Variants in CTNNA3 observed in about 807,000 individuals in gnomAD.
CTNNA3 encodes catenin alpha-3.
A neutral mutation model predicts 95.7 loss-of-function variants in CTNNA3; 76 were observed. That is an observed-to-expected ratio of 0.79 (90% CI 0.66 to 0.96). The LOEUF (loss-of-function observed/expected upper bound fraction) is 0.96, where lower values mean the gene tolerates loss of function less well. CTNNA3 is among the 40% of genes least tolerant of loss of function. The probability of loss-of-function intolerance (pLI) is 0.00; values close to 1 mark genes in which losing one functional copy is unlikely to be tolerated. For missense variants in CTNNA3, 1,191 were observed against 1,089.8 expected, an observed-to-expected ratio of 1.09 and a Z score of -1.31; for synonymous variants, 431 against 374.4, an observed-to-expected ratio of 1.15 and a Z score of -1.74.
chr10:66,494,431 A>G (rs1840035221), intron 11 of CTNNA3, among the ~76,000 whole-genome samples: 1 of 152,178 alleles, frequency 6.6e-6, no homozygotes, highest in South Asian at 2.1e-4. Context: ...AACATAGTAA[A>G]ATTTCCAATA....
intron 1 of CTNNA3, among the ~76,000 whole-genome samples, chr10:67,726,387 T>C (rs1246263026): frequency 1.3e-4 from 2 of 15,826 alleles, no homozygotes; most frequent in Non-Finnish European, 2.1e-4. Context: ...TATATGAAAT[T>C]ATATATATTA....
At chr10:66,270,218 A>ATTT (rs1554916530) in intron 13 of CTNNA3, among the ~76,000 whole-genome samples, 170 of 98,750 alleles carry the variant, frequency 1.7e-3, no homozygotes, top group African/African-American at 5.6e-3. Flanking sequence ...ACACTATAAC[A>ATTT]TTTTTTGGGG....
chr10:66,316,923 A>C (rs1210085325), intron 12 of CTNNA3, among the ~76,000 whole-genome samples: 4 of 152,134 alleles, frequency 2.6e-5, no homozygotes, highest in Non-Finnish European at 5.9e-5. Flanking sequence ...AATAAAATTT[A>C]GACAAAACGT....
rs764381058 is a variant in CTNNA3, at chr10:67,342,099, CTTTTTTTTTTT to C, written c.580-122240_580-122230del. 1.3e-4 allele frequency among the ~76,000 whole-genome samples: 11 copies of C among 83,684 alleles called. No homozygotes were observed. In the Admixed American group the frequency reaches 1.5e-3, roughly 11 times the overall value. 54.9% of individuals were successfully genotyped at this position (83,684 alleles called of 152,430 possible). A position where few individuals can be genotyped will look rare whatever the true frequency, so the allele number is the denominator to read the frequency against. On this transcript the variant is annotated intron_variant, in intron 5 of 17. Transcript: ENST00000433211. ...TTCTTTTAATTTATTTATTTTTCTT[CTTTTTTTTTTT>C]TTTTTTTTTTAGACAGAGTCTCACT...
chr10:66,053,304 T>C (rs1203263656), intron 15 of CTNNA3, among the ~76,000 whole-genome samples: 1 of 152,116 alleles, frequency 6.6e-6, no homozygotes, highest in East Asian at 1.9e-4. Context: ...AAATTTCTTT[T>C]CTTAGGATGT....
intron 6 of CTNNA3, among the ~76,000 whole-genome samples, chr10:67,205,655 C>A (rs1447654647): frequency 6.6e-6 from 1 of 152,128 alleles, no homozygotes; most frequent in East Asian, 1.9e-4. Flanking sequence ...ACTGTGCTAA[C>A]AATTTACCCC....
chr10:67,330,446 G>A (rs958440572), intron 5 of CTNNA3, among the ~76,000 whole-genome samples: 8 of 152,132 alleles, frequency 5.3e-5, no homozygotes, highest in East Asian at 1.9e-4. Context: ...TAATCAGTTC[G>A]TACATATAAA....
chr10:67,221,606 G>C (rs751874584), intron 5 of CTNNA3, among the ~76,000 whole-genome samples: 1 of 151,862 alleles, frequency 6.6e-6, no homozygotes, highest in Non-Finnish European at 1.5e-5. Context: ...ACAGAGTCGC[G>C]CTCTGTCGCC....
intron 13 of CTNNA3, among the ~76,000 whole-genome samples, chr10:66,267,929 A>G (rs576104711): frequency 1.1e-3 from 164 of 152,296 alleles, no homozygotes; most frequent in Non-Finnish European, 2.2e-3. Flanking sequence ...TTGACTAATT[A>G]TACCTCTAAA....
chr10:67,706,393 A>T (rs1841078789), intron 1 of CTNNA3, among the ~76,000 whole-genome samples: 1 of 152,088 alleles, frequency 6.6e-6, no homozygotes, highest in African/African-American at 2.4e-5. Flanking sequence ...GGAGGAAAGA[A>T]AAAAGAAGAA....
chr10:66,342,767 A>G (rs1196361422), intron 12 of CTNNA3, among the ~76,000 whole-genome samples: 4 of 152,076 alleles, frequency 2.6e-5, no homozygotes, highest in Non-Finnish European at 4.4e-5. Context: ...GCCACATCAC[A>G]GGATCCTTTA....
chr10:67,413,900 C>G (rs1845460606), intron 5 of CTNNA3, among the ~76,000 whole-genome samples: 1 of 151,948 alleles, frequency 6.6e-6, no homozygotes, highest in South Asian at 2.1e-4. Flanking sequence ...AATAGGAACA[C>G]AACTTACCAA....
intron 7 of CTNNA3, among the ~76,000 whole-genome samples, chr10:67,018,693 G>A (rs1416077201): frequency 1.3e-5 from 2 of 152,150 alleles, no homozygotes; most frequent in African/African-American, 2.4e-5. Context: ...TAACCTCTCT[G>A]TGCCTCAGTT....
chr10:67,247,721 CAAAGAGCAATGTTGG>C lies in CTNNA3; in HGVS notation c.580-27866_580-27852del, dbSNP rs1865954316. ...CAGAATAGCCAAAATTATCTTGAAA[CAAAGAGCAATGTTGG>C]AAGAATTCCCCTCATTTGATCATTA... On this transcript the variant is annotated intron_variant, in intron 5 of 17. Transcript: ENST00000433211. Among the ~76,000 whole-genome samples the C allele has an allele frequency of 3.9e-5, 6 of 152,150 alleles. No homozygotes were observed. In the South Asian group the frequency reaches 1.0e-3, roughly 26 times the overall value.
At chr10:67,691,792 C>T (rs1261495218) in intron 1 of CTNNA3, among the ~76,000 whole-genome samples, 1 of 150,216 alleles carries the variant, frequency 6.7e-6, no homozygotes, top group African/African-American at 2.4e-5. Flanking sequence ...GGCCAGCCGC[C>T]CCGTCCAGGA....
chr10:66,508,211 T>TTTTTTTTTTTTTTTGTTTTTTTTG (rs1491247894), intron 11 of CTNNA3, among the ~76,000 whole-genome samples: 10 of 91,158 alleles, frequency 1.1e-4, no homozygotes, highest in Non-Finnish European at 1.6e-4. Context: ...TTGTTTTCTG[T>TTTTTTTTTTTTTTTGTTTTTTTTG]TTTTTTTTTT....
intron 7 of CTNNA3, among the ~76,000 whole-genome samples, chr10:66,849,015 TC>T (rs1422507127): frequency 6.6e-6 from 1 of 152,130 alleles, no homozygotes; most frequent in Non-Finnish European, 1.5e-5. Context: ...AATGAAGCCA[TC>T]CCCAGATTCC....
intron 7 of CTNNA3, among the ~76,000 whole-genome samples, chr10:67,116,598 T>C (rs967421780): frequency 7.9e-5 from 12 of 151,538 alleles, no homozygotes; most frequent in African/African-American, 2.9e-4. Flanking sequence ...GAGCAAGTGA[T>C]ATTAGATAAA....
chr10:66,494,722 C>T (rs964923858), intron 11 of CTNNA3, among the ~76,000 whole-genome samples: 1 of 152,120 alleles, frequency 6.6e-6, no homozygotes, highest in South Asian at 2.1e-4. Flanking sequence ...AGGGATCAAG[C>T]CATTTATTTT....
Sources: gnomAD v4.1 joint callset for allele counts (sites outside exome capture counted in the v4.1 genomes callset) on GRCh38, gnomAD v4.1.1 for gene constraint, MANE v1.5 for transcripts, NCBI Gene and HGNC (gene_info 2026-07-23, HGNC 2026-07-21) for gene names.